Variants in FOXP2 observed in about 807,000 individuals in gnomAD.
FOXP2 encodes forkhead box P2, also known as forkhead box protein P2.
A neutral mutation model predicts 115.8 loss-of-function variants in FOXP2; 12 were observed. The observed-to-expected ratio is 0.10, with a 90% CI of 0.07 to 0.17. The LOEUF is 0.17. Among genes scored for constraint, FOXP2 ranks in the 10% least tolerant of loss-of-function variants. The pLI, the probability that FOXP2 is intolerant of heterozygous loss-of-function variation, is 1.00. For missense variants in FOXP2, 629 were observed against 843.5 expected, an observed-to-expected ratio of 0.75 and a Z score of 3.15; for synonymous variants, 328 against 297.7, an observed-to-expected ratio of 1.10 and a Z score of -1.05.
At chr7:114,194,513 A>T (rs1270767631) in intron 1 of FOXP2, among the ~76,000 whole-genome samples, 1 of 151,984 alleles carries the variant, frequency 6.6e-6, no homozygotes. Context: ...TACCATGCTT[A>T]CCCAAACTGA....
chr7:114,372,270 TG>T (rs1792031434), intron 2 of FOXP2, among the ~76,000 whole-genome samples: 1 of 152,126 alleles, frequency 6.6e-6, no homozygotes, highest in Non-Finnish European at 1.5e-5. Context: ...AAAAACTGTT[TG>T]AAAGCATTAA....
At chr7:114,662,230 A>G in intron 14 of FOXP2, 44 bp downstream of exon 14, 1 of 1,609,820 alleles carries the variant, frequency 6.2e-7, no homozygotes, top group Non-Finnish European at 8.5e-7. Context: ...TGCATCCACC[A>G]GGAAAAGTAA....
chr7:114,393,403 T>G (rs1293101951), intron 2 of FOXP2, among the ~76,000 whole-genome samples: 2 of 151,970 alleles, frequency 1.3e-5, no homozygotes, highest in Non-Finnish European at 1.5e-5. Flanking sequence ...CAGAACAATG[T>G]GTCAGAGCCC....
chr7:114,131,291 A>G (rs770012351), intron 1 of FOXP2, among the ~76,000 whole-genome samples: 4 of 152,166 alleles, frequency 2.6e-5, no homozygotes, highest in African/African-American at 4.8e-5. Context: ...GTACCCTACA[A>G]ATTACACTTT....
intron 1 of FOXP2, among the ~76,000 whole-genome samples, chr7:114,153,187 G>C (rs1320757222): frequency 6.6e-6 from 1 of 152,018 alleles, no homozygotes; most frequent in African/African-American, 2.4e-5. Flanking sequence ...TTAGGTTAAA[G>C]AAAGGGTAGA....
At chr7:114,158,540 C>T (rs1792733105), upstream of FOXP2, among the ~76,000 whole-genome samples, 1 of 152,040 alleles carries the variant, frequency 6.6e-6, no homozygotes. Context: ...CTTAAAAAAA[C>T]ACCTCTTTAG....
intron 3 of FOXP2, among the ~76,000 whole-genome samples, chr7:114,541,562 C>G (rs762188384): frequency 1.1e-4 from 16 of 152,022 alleles, no homozygotes; most frequent in Middle Eastern, 3.4e-3. Context: ...ATCAGTAACT[C>G]TTAGGATCTG....
rs150546983 is a variant in FOXP2, at chr7:114,119,342, T to C, written c.-247+31504T>C. On this transcript the variant is annotated intron_variant, in intron 1 of 19. Transcript: ENST00000635638. ...ATGTTTTGTTATTGTATCAGCTAGG[T>C]TGTCTGATCATGGTGTATAAATGCA... Among the ~76,000 whole-genome samples the C allele has an allele frequency of 6.6e-3, 1,003 of 152,266 alleles. 5 individuals carry two copies. The highest frequency in any genetic ancestry group is 9.8e-3 in the Non-Finnish European group (668 of 68,010).
At chr7:114,340,831 A>G (rs1426359571) in intron 2 of FOXP2, among the ~76,000 whole-genome samples, 2 of 151,188 alleles carry the variant, frequency 1.3e-5, no homozygotes, top group African/African-American at 4.8e-5. Flanking sequence ...AAATCAGTGT[A>G]ACCTTATGAG....
intron 8 of FOXP2, among the ~76,000 whole-genome samples, chr7:114,650,530 A>AT (rs1368059426): frequency 6.6e-6 from 1 of 152,068 alleles, no homozygotes; most frequent in African/African-American, 2.4e-5. Context: ...GTTCATTTAA[A>AT]TTTTGGGGGA....
chr7:114,523,435 G>A (rs1018116071), intron 2 of FOXP2, among the ~76,000 whole-genome samples: 3 of 152,000 alleles, frequency 2.0e-5, no homozygotes. Context: ...TTCCAGCCTC[G>A]GTGACATATG....
chr7:114,619,560 C>T (rs1014569524), intron 3 of FOXP2, among the ~76,000 whole-genome samples: 1 of 151,854 alleles, frequency 6.6e-6, no homozygotes, highest in African/African-American at 2.4e-5. Flanking sequence ...GGATATGGTG[C>T]TATTTCATAA....
At chr7:114,191,311 A>G (rs113244117) in intron 1 of FOXP2, among the ~76,000 whole-genome samples, 1,829 of 152,316 alleles carry the variant, frequency 0.012, 46 homozygotes, top group African/African-American at 0.041. Flanking sequence ...AGTTAGATAT[A>G]GAAGGAGAGA....
chr7:114,404,238 C>T (rs1391121480), intron 2 of FOXP2, among the ~76,000 whole-genome samples: 5 of 151,872 alleles, frequency 3.3e-5, no homozygotes, highest in East Asian at 1.9e-4. Flanking sequence ...AGAGAAATGT[C>T]GGTTTGGCAA....
intron 8 of FOXP2, among the ~76,000 whole-genome samples, chr7:114,647,610 T>A (rs1805984924): frequency 6.6e-6 from 1 of 151,858 alleles, no homozygotes; most frequent in African/African-American, 2.4e-5. Flanking sequence ...AAGTAGGTGT[T>A]GACAGAAGCT....
At chr7:114,269,745 A>C (rs1022991687) in intron 1 of FOXP2, among the ~76,000 whole-genome samples, 1 of 152,186 alleles carries the variant, frequency 6.6e-6, no homozygotes, top group Admixed American at 6.5e-5. Context: ...ATTGTTAATC[A>C]TTATCAATGG....
At chr7:114,478,333 C>T (rs1195370018) in intron 2 of FOXP2, among the ~76,000 whole-genome samples, 2 of 151,594 alleles carry the variant, frequency 1.3e-5, no homozygotes, top group African/African-American at 4.8e-5. Flanking sequence ...TTACGTAGTA[C>T]AATTTGAAAC....
At chr7:114,416,778 A>G (rs1201180786) in intron 1 of FOXP2, among the ~76,000 whole-genome samples, 4 of 151,994 alleles carry the variant, frequency 2.6e-5, no homozygotes, top group Non-Finnish European at 5.9e-5. Context: ...GAGAGGTTTA[A>G]TGATTAGCCT....
At chr7:114,680,931 A>G (rs1808055323) in intron 16 of FOXP2, among the ~76,000 whole-genome samples, 1 of 152,126 alleles carries the variant, frequency 6.6e-6, no homozygotes, top group African/African-American at 2.4e-5. Flanking sequence ...TTCCATCTGA[A>G]CTTGCTCTTA....
Sources: allele counts gnomAD v4.1 joint callset (sites outside exome capture counted in the v4.1 genomes callset), GRCh38; gene constraint gnomAD v4.1.1; transcripts MANE v1.5; gene names NCBI Gene and HGNC (gene_info 2026-07-23, HGNC 2026-07-21).